Variants in VPS35L observed in about 807,000 individuals in gnomAD.
The protein encoded by VPS35L is VPS35 endosomal protein sorting factor like, also known as VPS35 endosomal protein-sorting factor-like.
In VPS35L, 83 loss-of-function variants were observed where a neutral mutation model predicts 133.0. The observed-to-expected ratio is 0.62, with a 90% CI of 0.52 to 0.75. VPS35L has a LOEUF of 0.75. Among genes scored for constraint, VPS35L ranks in the 30% least tolerant of loss-of-function variants. The pLI is 0.00. For missense variants in VPS35L, 1,083 were observed against 1,206.8 expected (o/e 0.90, Z 1.52); for synonymous variants, 423 against 449.9 (o/e 0.94, Z 0.76).
chr16:19,690,042 A>G (rs1056625643), intron 28 of VPS35L, among the ~76,000 whole-genome samples: 1 of 152,014 alleles, frequency 6.6e-6, no homozygotes, highest in Non-Finnish European at 1.5e-5. Context: ...CCTCCCAAGT[A>G]TCTGGGACTA....
intron 1 of VPS35L, among the ~76,000 whole-genome samples, chr16:19,556,771 A>C (rs1202186781): frequency 2.0e-5 from 3 of 150,486 alleles, no homozygotes; most frequent in Admixed American, 2.0e-4. Flanking sequence ...GACACGCTAC[A>C]TCAGCATTGA....
intron 7 of VPS35L, among the ~76,000 whole-genome samples, chr16:19,585,406 CTTTTTTT>C (rs201727936): frequency 2.8e-4 from 38 of 138,124 alleles, no homozygotes; most frequent in South Asian, 4.7e-4. Context: ...TTTCTTTTTT[CTTTTTTT>C]TTTTTTTTTT....
intron 5 of VPS35L, chr16:19,578,374 A>AG (rs1491070770): frequency 2.0e-5 from 3 of 149,568 alleles, no homozygotes; most frequent in Non-Finnish European, 4.0e-5. Flanking sequence ...ACCCCATCTC[A>AG]AAAAAAAAAA....
At chr16:19,681,787 G>T (rs1446765827) in intron 27 of VPS35L, among the ~76,000 whole-genome samples, 1 of 152,142 alleles carries the variant, frequency 6.6e-6, no homozygotes, top group African/African-American at 2.4e-5. Flanking sequence ...TGGTGGCAGG[G>T]ATCATCCGGG....
intron 1 of VPS35L, among the ~76,000 whole-genome samples, chr16:19,560,185 C>T (rs118140308): frequency 0.02 from 3,089 of 152,342 alleles, 46 homozygotes; most frequent in Non-Finnish European, 0.033. Flanking sequence ...TACCAACATT[C>T]TAACAGCCTC....
intron 26 of VPS35L, among the ~76,000 whole-genome samples, chr16:19,653,330 G>A (rs1974193784): frequency 6.6e-6 from 1 of 152,148 alleles, no homozygotes; most frequent in South Asian, 2.1e-4. Context: ...TAACACAGAG[G>A]GTAAAAGAAA....
chr16:19,581,501 T>TAAAAA, intron 6 of VPS35L, 24 bp from the exon 7 acceptor site: 1 of 1,546,132 alleles, frequency 6.5e-7, no homozygotes, highest in South Asian at 1.2e-5. Context: ...TGCTATGCCT[T>TAAAAA]CACCTTCTGC....
At chr16:19,640,990 C>T (rs1433411828) in intron 21 of VPS35L, among the ~76,000 whole-genome samples, 1 of 152,306 alleles carries the variant, frequency 6.6e-6, no homozygotes, top group African/African-American at 2.4e-5. Flanking sequence ...TCAAGCCATC[C>T]ATCCACCTCA....
Position 19,642,563 on chromosome 16 carries a change from C to G in VPS35L, c.1865+87C>G, listed in dbSNP as rs1418577497. The G allele has an allele frequency of 4.6e-6, 5 of 1,083,330 alleles. No individual in the cohort carries two copies. The African/African-American group carries it at 7.8e-5, about 17-fold the overall frequency. 67.1% of individuals were successfully genotyped at this position (1,083,330 alleles called of 1,614,324 possible). A position where few individuals can be genotyped will look rare whatever the true frequency, so the allele number is the denominator to read the frequency against. Reference sequence around the variant, plus strand: ...ATTAGGGAATGACTGCTTTAAGCTGCCACTGTGAATAATATTACTTTATTG... The same window carrying G: ...ATTAGGGAATGACTGCTTTAAGCTGGCACTGTGAATAATATTACTTTATTG... On this transcript the variant is annotated intron_variant, in intron 22 of 30. Transcript: ENST00000417362.
chr16:19,666,896 CT>C (rs201034385), intron 26 of VPS35L, among the ~76,000 whole-genome samples: 20,313 of 96,490 alleles, frequency 0.21, 1,844 homozygotes, highest in Non-Finnish European at 0.24. Flanking sequence ...TTCTTTCTTT[CT>C]TTCTTTCTTT....
intron 29 of VPS35L, among the ~76,000 whole-genome samples, chr16:19,697,080 C>G (rs188713718): frequency 5.9e-5 from 9 of 152,194 alleles, no homozygotes; most frequent in South Asian, 4.1e-4. Flanking sequence ...AGCCAGTTTG[C>G]GAGTCCGTGC....
chr16:19,625,874 A>G (rs997476712), intron 14 of VPS35L, among the ~76,000 whole-genome samples: 2 of 152,136 alleles, frequency 1.3e-5, no homozygotes, highest in African/African-American at 4.8e-5. Flanking sequence ...GGGTTTTACC[A>G]TGTTGGCCAG....
chr16:19,560,912 C>T (rs564179073), intron 1 of VPS35L, among the ~76,000 whole-genome samples: 6 of 150,592 alleles, frequency 4.0e-5, no homozygotes, highest in South Asian at 2.1e-4. Flanking sequence ...TTAAATAAAT[C>T]GAGGATTGCC....
At chr16:19,669,107 C>A in intron 26 of VPS35L, 53 bp from the exon 27 acceptor site, 1 of 1,538,808 alleles carries the variant, frequency 6.5e-7, no homozygotes, top group East Asian at 2.3e-5. Context: ...AGAAGAAAGC[C>A]AACTAAATTT....
intron 9 of VPS35L, among the ~76,000 whole-genome samples, chr16:19,605,376 G>C (rs903630712): frequency 6.6e-6 from 1 of 152,186 alleles, no homozygotes; most frequent in African/African-American, 2.4e-5. Flanking sequence ...AGCAGCCCAA[G>C]TGCTGAAGTC....
chr16:19,629,169 C>A (rs1050924621), intron 17 of VPS35L, among the ~76,000 whole-genome samples: 1 of 152,162 alleles, frequency 6.6e-6, no homozygotes, highest in Non-Finnish European at 1.5e-5. Flanking sequence ...TGGTAGCTCA[C>A]ACCTATAATC....
chr16:19,691,283 C>G, intron 28 of VPS35L, 70 bp from the exon 29 acceptor site: 1 of 1,249,750 alleles, frequency 8.0e-7, no homozygotes, highest in Non-Finnish European at 1.2e-6. Flanking sequence ...ACATGACACA[C>G]GGCTGCCTCT....
intron 27 of VPS35L, among the ~76,000 whole-genome samples, chr16:19,680,971 G>C (rs1462695495): frequency 6.7e-6 from 1 of 148,470 alleles, no homozygotes; most frequent in Non-Finnish European, 1.5e-5. Context: ...GAGGACTGCA[G>C]ATGGAATGTC....
chr16:19,679,313 T>C (rs1254101359), intron 27 of VPS35L, among the ~76,000 whole-genome samples: 1 of 151,866 alleles, frequency 6.6e-6, no homozygotes, highest in African/African-American at 2.4e-5. Context: ...TTTTTTCTTT[T>C]TGTAAGATGG....
Sources: gnomAD v4.1 joint callset for allele counts (sites outside exome capture counted in the v4.1 genomes callset) on GRCh38, gnomAD v4.1.1 for gene constraint, MANE v1.5 for transcripts, NCBI Gene and HGNC (gene_info 2026-07-23, HGNC 2026-07-21) for gene names.